WDPCP: variants seen among roughly 807,000 people sequenced by gnomAD.
WDPCP encodes WD repeat-containing and planar cell polarity effector protein fritz homolog.
In WDPCP, 71 loss-of-function variants were observed where a neutral mutation model predicts 93.1. The observed-to-expected ratio is 0.76, with a 90% CI of 0.63 to 0.93. The LOEUF is 0.93. WDPCP is among the 40% of genes least tolerant of loss of function. The probability of loss-of-function intolerance (pLI) is 0.00; values close to 1 mark genes in which losing one functional copy is unlikely to be tolerated. For missense variants in WDPCP, 844 were observed against 887.4 expected, an observed-to-expected ratio of 0.95 and a Z score of 0.62; for synonymous variants, 315 against 315.0, an observed-to-expected ratio of 1.00 and a Z score of 0.00.
intron 15 of WDPCP, among the ~76,000 whole-genome samples, chr2:63,158,678 TG>T (rs1307077241): frequency 6.6e-6 from 1 of 152,196 alleles, no homozygotes; most frequent in African/African-American, 2.4e-5. Context: ...ATGTCATGAA[TG>T]TTAGACCTTT....
At chr2:63,816,777 G>A (rs1158675171) in intron 1 of WDPCP, among the ~76,000 whole-genome samples, 2 of 152,144 alleles carry the variant, frequency 1.3e-5, no homozygotes, top group Non-Finnish European at 2.9e-5. Flanking sequence ...TTCATAAAAT[G>A]GAATGCTATT....
At chr2:63,617,472 T>C (rs1340799909) in intron 3 of WDPCP, among the ~76,000 whole-genome samples, 1 of 152,140 alleles carries the variant, frequency 6.6e-6, no homozygotes, top group Non-Finnish European at 1.5e-5. Context: ...TATGTACACA[T>C]AGGAGTCCCA....
chr2:63,368,512 G>T (rs1691118465), intron 12 of WDPCP, among the ~76,000 whole-genome samples: 1 of 151,806 alleles, frequency 6.6e-6, no homozygotes, highest in South Asian at 2.1e-4. Context: ...TTTTAGTAGA[G>T]ACAGGGTTTT....
chr2:63,132,088 G>A (rs1670331433), intron 17 of WDPCP, among the ~76,000 whole-genome samples: 1 of 151,800 alleles, frequency 6.6e-6, no homozygotes. Context: ...TGCCTGCCTC[G>A]GCCTCCCAAA....
chr2:63,840,099 T>G, the WDPCP span, among the ~76,000 whole-genome samples: 1 of 152,338 alleles, frequency 6.6e-6, no homozygotes, highest in Admixed American at 6.5e-5. Flanking sequence ...CCGTACTTGT[T>G]TATTGAAGGC....
chr2:63,329,042 T>C (rs1687778744), intron 12 of WDPCP, among the ~76,000 whole-genome samples: 1 of 152,238 alleles, frequency 6.6e-6, no homozygotes, highest in African/African-American at 2.4e-5. Context: ...TTTACTTTCA[T>C]GATAAGAACA....
intron 6 of WDPCP, among the ~76,000 whole-genome samples, chr2:63,455,337 TAG>T (rs1558657471): frequency 6.6e-6 from 1 of 151,702 alleles, no homozygotes; most frequent in East Asian, 1.9e-4. Flanking sequence ...TAAAAAGATA[TAG>T]ACTGTTTGAA....
intron 3 of WDPCP, among the ~76,000 whole-genome samples, chr2:63,619,709 C>G (rs1457009981): frequency 6.6e-6 from 1 of 152,152 alleles, no homozygotes; most frequent in Non-Finnish European, 1.5e-5. Flanking sequence ...CATAAAAATA[C>G]AAGGATTAGG....
At chr2:63,452,154 C>T (rs1698292670) in intron 6 of WDPCP, among the ~76,000 whole-genome samples, 1 of 152,154 alleles carries the variant, frequency 6.6e-6, no homozygotes, top group Non-Finnish European at 1.5e-5. Flanking sequence ...GTCAAATTGT[C>T]CCTGTTTGCA....
At chr2:63,611,001 G>A (rs946946394) in intron 3 of WDPCP, among the ~76,000 whole-genome samples, 2 of 152,172 alleles carry the variant, frequency 1.3e-5, no homozygotes, top group African/African-American at 2.4e-5. Flanking sequence ...GGGAGGCTGA[G>A]GTGGGAGGAT....
intron 17 of WDPCP, among the ~76,000 whole-genome samples, chr2:63,126,586 A>G (rs1299190558): frequency 6.6e-6 from 1 of 152,008 alleles, no homozygotes; most frequent in Admixed American, 6.6e-5. Flanking sequence ...TTGCCTTCCC[A>G]AATTCAGAGC....
intron 1 of WDPCP, among the ~76,000 whole-genome samples, chr2:63,567,291 C>G (rs1707149039): frequency 6.6e-6 from 1 of 152,278 alleles, no homozygotes; most frequent in South Asian, 2.1e-4. Context: ...TACCAGCCCC[C>G]ATTCCAAAAC....
chr2:63,519,445 C>A (rs1702781031), intron 1 of WDPCP, among the ~76,000 whole-genome samples: 1 of 152,218 alleles, frequency 6.6e-6, no homozygotes, highest in South Asian at 2.1e-4. Context: ...CTGGCAAATG[C>A]AAACGGGCAT....
At chr2:63,772,021 T>C (rs954870705) in intron 2 of WDPCP, among the ~76,000 whole-genome samples, 2 of 152,052 alleles carry the variant, frequency 1.3e-5, no homozygotes, top group Non-Finnish European at 2.9e-5. Context: ...AGTGCATGTG[T>C]CTTTTTTGTA....
intron 17 of WDPCP, among the ~76,000 whole-genome samples, chr2:63,148,761 GGGAATTTACAA>G (rs1291461104): frequency 2.6e-5 from 4 of 152,120 alleles, no homozygotes; most frequent in African/African-American, 9.7e-5. Flanking sequence ...GTGTAAGACA[GGGAATTTACAA>G]GGAATTTACA....
At chr2:63,599,301 AAT>A in intron 3 of WDPCP, 1 of 1,607,118 alleles carries the variant, frequency 6.2e-7, no homozygotes, top group Non-Finnish European at 8.5e-7. Context: ...AAGTAAGAAA[AAT>A]ATATTTTAAA....
At chr2:63,451,488 G>A (rs1262257459) in intron 6 of WDPCP, among the ~76,000 whole-genome samples, 3 of 152,156 alleles carry the variant, frequency 2.0e-5, no homozygotes, top group African/African-American at 7.2e-5. Flanking sequence ...GGACCAGACG[G>A]ATTCACAGCT....
At chr2:63,720,422 A>C (rs1183847980) in intron 2 of WDPCP, among the ~76,000 whole-genome samples, 8 of 151,784 alleles carry the variant, frequency 5.3e-5, no homozygotes, top group Non-Finnish European at 8.8e-5. Flanking sequence ...ACCTTAAAAA[A>C]AAAAAAAAAC....
rs180991012 is a variant in WDPCP at position 63,323,178 on chromosome 2, A to G, written c.1749-9867T>C. ...CATGTCGCCCAAGCGAGACTTGCCC[A>G]TCTATTCTATCTACCCTGACCATTG... On this transcript the variant is annotated intron_variant, in intron 12 of 17. Coordinates refer to ENST00000272321, the MANE Select transcript of WDPCP (RefSeq NM_015910.7). Among the ~76,000 whole-genome samples the G allele has an allele frequency of 8.4e-3, 1,275 of 152,280 alleles. 5 individuals are homozygous for G. The highest frequency in any genetic ancestry group is 0.01 in the Non-Finnish European group (712 of 68,006).
Sources: gnomAD v4.1 joint callset for allele counts (sites outside exome capture counted in the v4.1 genomes callset) on GRCh38, gnomAD v4.1.1 for gene constraint, MANE v1.5 for transcripts, NCBI Gene and HGNC (gene_info 2026-07-23, HGNC 2026-07-21) for gene names.